UNC5D: variants seen among roughly 807,000 people sequenced by gnomAD.
The protein encoded by UNC5D is netrin receptor UNC5D.
In UNC5D, 39 loss-of-function variants were observed where a neutral mutation model predicts 105.4. The ratio of observed to expected loss-of-function variants is 0.37; its 90% CI spans 0.29 to 0.48. The LOEUF (loss-of-function observed/expected upper bound fraction) is 0.48, where lower values mean the gene tolerates loss of function less well. Among genes scored for constraint, UNC5D ranks in the 20% least tolerant of loss-of-function variants. The probability of loss-of-function intolerance (pLI) is 0.98; values close to 1 mark genes in which losing one functional copy is unlikely to be tolerated. For synonymous variants in UNC5D, 452 were observed against 450.4 expected (o/e 1.00, Z -0.04); for missense variants, 991 against 1,202.4 (o/e 0.82, Z 2.60).
intron 16 of UNC5D, among the ~76,000 whole-genome samples, chr8:35,777,064 A>T (rs914506983): frequency 6.6e-6 from 1 of 152,020 alleles, no homozygotes; most frequent in East Asian, 1.9e-4. Flanking sequence ...GACCAGCCTG[A>T]CCAACATGGT....
chr8:35,293,439 C>T (rs1807226936), intron 1 of UNC5D, among the ~76,000 whole-genome samples: 1 of 152,152 alleles, frequency 6.6e-6, no homozygotes, highest in South Asian at 2.1e-4. Context: ...AATTTGTTTT[C>T]TGGCACTACT....
intron 1 of UNC5D, among the ~76,000 whole-genome samples, chr8:35,293,435 T>C (rs1807226522): frequency 6.6e-6 from 1 of 152,182 alleles, no homozygotes; most frequent in South Asian, 2.1e-4. Context: ...TGTCAATTTG[T>C]TTTCTGGCAC....
chr8:35,451,286 G>T (rs185234347), intron 1 of UNC5D, among the ~76,000 whole-genome samples: 2 of 151,918 alleles, frequency 1.3e-5, no homozygotes, highest in South Asian at 4.2e-4. Context: ...CAGGTGATCC[G>T]CCTGCCTCAG....
Position 35,759,393 on chromosome 8 carries a change from A to T in UNC5D, c.2237A>T (p.Asn746Ile). 6.2e-7 allele frequency: 1 copy of T among 1,614,106 alleles called. No homozygotes were observed. Among genetic ancestry groups the T allele is most frequent in the Non-Finnish European group, 8.5e-7 (1 of 1,179,972 alleles). ...CCAAAATTGCTGCATTTCAAAGGGA[A>T]TACCTTTAGTCTTCAGATTTCTGTC... ...EEPKLLHFKG[N>I]TFSLQISVLD... Residue 746 changes from asparagine (N) to isoleucine (I), a missense_variant, in exon 14 of 17, where the codon AAT (asparagine) becomes ATT (isoleucine). Physicochemically the swap from Asn to Ile is moderately radical, Grantham distance 149. Coordinates refer to ENST00000404895, the MANE Select transcript of UNC5D (RefSeq NM_080872.4).
chr8:35,382,266 C>T (rs886177682), intron 1 of UNC5D, among the ~76,000 whole-genome samples: 1 of 152,180 alleles, frequency 6.6e-6, no homozygotes, highest in African/African-American at 2.4e-5. Flanking sequence ...TTTTCCCCTA[C>T]AGCGGTTGAT....
At chr8:35,287,145 A>G (rs1806658265) in intron 1 of UNC5D, among the ~76,000 whole-genome samples, 1 of 152,206 alleles carries the variant, frequency 6.6e-6, no homozygotes, top group African/African-American at 2.4e-5. Flanking sequence ...AACCACCAAA[A>G]AACACCTGCA....
At chr8:35,516,822 AG>A (rs1226720972) in intron 1 of UNC5D, among the ~76,000 whole-genome samples, 2 of 152,154 alleles carry the variant, frequency 1.3e-5, no homozygotes, top group Admixed American at 6.5e-5. Context: ...GAGGAATCCC[AG>A]GTTGAACATG....
intron 4 of UNC5D, among the ~76,000 whole-genome samples, chr8:35,659,687 A>G (rs1012632438): frequency 2.6e-5 from 4 of 152,260 alleles, no homozygotes; most frequent in Non-Finnish European, 5.9e-5. Flanking sequence ...TGACAGTGAT[A>G]TAAATGGGTC....
At chr8:35,581,760 C>CA (rs1303617488) in intron 3 of UNC5D, among the ~76,000 whole-genome samples, 2 of 151,348 alleles carry the variant, frequency 1.3e-5, no homozygotes, top group African/African-American at 2.4e-5. Flanking sequence ...TAATTAAAAA[C>CA]AAAAAAATTA....
intron 1 of UNC5D, among the ~76,000 whole-genome samples, chr8:35,357,685 C>CCGTT (rs1801637814): frequency 6.6e-6 from 1 of 152,150 alleles, no homozygotes. Context: ...ATTGCTAAAA[C>CCGTT]CTAGAACGGT....
At chr8:35,346,130 G>A (rs1811791957) in intron 1 of UNC5D, among the ~76,000 whole-genome samples, 1 of 151,980 alleles carries the variant, frequency 6.6e-6, no homozygotes, top group African/African-American at 2.4e-5. Context: ...ATGAACTCTA[G>A]CTTTTGGGAC....
At chr8:35,659,123 A>G (rs1823962571) in intron 4 of UNC5D, among the ~76,000 whole-genome samples, 1 of 152,204 alleles carries the variant, frequency 6.6e-6, no homozygotes, top group Admixed American at 6.5e-5. Flanking sequence ...ACTTTGTTAT[A>G]GTTTTTTTCC....
At chr8:35,438,801 T>C (rs1166412147) in intron 1 of UNC5D, among the ~76,000 whole-genome samples, 1 of 152,016 alleles carries the variant, frequency 6.6e-6, no homozygotes, top group East Asian at 1.9e-4. Flanking sequence ...CTAAAGAATT[T>C]AGGATATCAA....
chr8:35,443,751 A>G (rs928472915), intron 1 of UNC5D, among the ~76,000 whole-genome samples: 4 of 151,942 alleles, frequency 2.6e-5, no homozygotes, highest in South Asian at 2.1e-4. Flanking sequence ...AGGTCTGATC[A>G]TTGTCATAAA....
rs374497738 is a variant in UNC5D at position 35,563,948 on chromosome 8, C to G, written c.323-4150C>G. 5.9e-5 allele frequency among the ~76,000 whole-genome samples: 9 copies of G among 152,198 alleles called. No homozygotes were observed. In the East Asian group the frequency reaches 1.6e-3, roughly 26 times the overall value. ...TGCATATGTTGAAGTGTCCTCACCT[C>G]TCTGAGATCAATCCTCCTTGATTAT... On this transcript the variant is annotated intron_variant, in intron 2 of 16. Transcript: ENST00000404895.
intron 7 of UNC5D, among the ~76,000 whole-genome samples, chr8:35,693,044 T>C (rs1254998614): frequency 6.6e-6 from 1 of 152,144 alleles, no homozygotes; most frequent in Non-Finnish European, 1.5e-5. Flanking sequence ...ATGCCCCAAA[T>C]AAATGCTTTC....
At chr8:35,313,363 G>A (rs554994673) in intron 1 of UNC5D, among the ~76,000 whole-genome samples, 51 of 152,216 alleles carry the variant, frequency 3.4e-4, no homozygotes, top group African/African-American at 1.1e-3. Flanking sequence ...GCTACAGAAA[G>A]CATTTGAACA....
intron 1 of UNC5D, among the ~76,000 whole-genome samples, chr8:35,495,458 C>CAAAAAAAAAAAAAAAAAAAAAAAAAAAAA (rs71547636): frequency 2.2e-5 from 1 of 44,630 alleles, no homozygotes; most frequent in Non-Finnish European, 3.8e-5. Flanking sequence ...ACAACAACAA[C>CAAAAAAAAAAAAAAAAAAAAAAAAAAAAA]AAAAAAAAAA....
At chr8:35,707,625 C>G (rs570412485) in intron 8 of UNC5D, among the ~76,000 whole-genome samples, 19 of 152,134 alleles carry the variant, frequency 1.2e-4, no homozygotes, top group Non-Finnish European at 1.8e-4. Flanking sequence ...CTGATTCTGT[C>G]ATATAGCACA....
Sources: gnomAD v4.1 joint callset for allele counts (sites outside exome capture counted in the v4.1 genomes callset) on GRCh38, gnomAD v4.1.1 for gene constraint, MANE v1.5 for transcripts, NCBI Gene and HGNC (gene_info 2026-07-23, HGNC 2026-07-21) for gene names.